The following CARD14 variants were observed in gnomAD, a reference collection of about 807,000 sequenced individuals.
CARD14 encodes caspase recruitment domain family member 14.
Under a neutral mutation model 111.5 loss-of-function variants are expected in CARD14, and 107 were observed. That is an observed-to-expected ratio of 0.96 (90% confidence interval 0.82 to 1.13). CARD14 has a LOEUF of 1.13. Ranked by LOEUF, CARD14 falls within the 50% of genes most tolerant of loss-of-function variation. CARD14 has a pLI of 0.00. For missense variants in CARD14, 1,322 were observed against 1,362.3 expected (o/e 0.97, Z 0.47); for synonymous variants, 617 against 579.6 (o/e 1.06, Z -0.93).
intron 2 of CARD14, among the ~76,000 whole-genome samples, chr17:80,173,889 G>A (rs1307778969): frequency 1.3e-5 from 2 of 151,920 alleles, no homozygotes; most frequent in East Asian, 3.9e-4. Flanking sequence ...GAACCATCGC[G>A]CCCAGCCAAA....
intron 16 of CARD14, among the ~76,000 whole-genome samples, chr17:80,199,264 G>C (rs1198364410): frequency 6.6e-6 from 1 of 151,874 alleles, no homozygotes; most frequent in Non-Finnish European, 1.5e-5. Flanking sequence ...GAGGCAGGCA[G>C]ATCACTTGAG....
At position 80,198,247 on chromosome 17, in the gene CARD14, C is replaced by T; in HGVS notation, c.1658+85C>T. 2 of 1,555,596 alleles carry T rather than the reference C, an allele frequency of 1.3e-6. No homozygotes were observed. Among genetic ancestry groups the T allele is most frequent in the Non-Finnish European group, 8.9e-7 (1 of 1,129,870 alleles). ...GAGCAGAGGGTGAGTGTCCTATTAC[C>T]AATGGGAGGCAACAGCCTTTCCAAG... is the stretch of plus-strand genomic sequence containing the variant. On this transcript the variant is annotated intron_variant, in intron 15 of 23. Transcript: ENST00000648509. This position sits in a 1 kb window ranked among gnomAD's most constrained non-coding sequence, Gnocchi z 7.5.
chr17:80,194,717 A>G (rs1328669718), intron 12 of CARD14, among the ~76,000 whole-genome samples: 1 of 152,174 alleles, frequency 6.6e-6, no homozygotes, highest in Non-Finnish European at 1.5e-5. Context: ...CAAAGGGGGA[A>G]GCCCTTTATA....
At chr17:80,204,603 A>T (rs1192721136) in intron 20 of CARD14, 1 of 386,280 alleles carries the variant, frequency 2.6e-6, no homozygotes, top group Non-Finnish European at 4.7e-6. Context: ...CAGCCTGGGC[A>T]ATAAGAGCAA....
chr17:80,188,625 G>T lies in CARD14; in HGVS notation c.843+81G>T. 7.5e-7 allele frequency: 1 copy of T among 1,324,678 alleles called. No individual in the cohort carries two copies. The highest frequency in any genetic ancestry group is 9.8e-7 in the Non-Finnish European group (1 of 1,022,692). 82.1% of individuals were successfully genotyped at this position (1,324,678 alleles called of 1,614,324 possible). A position where few individuals can be genotyped will look rare whatever the true frequency, so the allele number is the denominator to read the frequency against. On this transcript the variant is annotated intron_variant, in intron 8 of 23. Coordinates refer to ENST00000648509, the MANE Select transcript of CARD14 (RefSeq NM_001366385.1). This position sits in a 1 kb window ranked among gnomAD's most constrained non-coding sequence, Gnocchi z 4.5. The stretch of plus-strand genomic sequence containing the variant: ...CAGGCTGTGGGGTTTCTGACAGGTG[G>T]TTTAGTTAAGGTGAGGCTAAGAACA...
intron 7 of CARD14, 93 bp downstream of exon 7, chr17:80,184,331 C>T (rs2040273901): frequency 9.0e-7 from 1 of 1,109,646 alleles, no homozygotes; most frequent in Admixed American, 3.1e-5. Flanking sequence ...ACTCCTTTCC[C>T]CTCTTCCTTG....
intron 16 of CARD14, among the ~76,000 whole-genome samples, chr17:80,200,228 CAT>C (rs2040897198): frequency 1.8e-5 from 2 of 109,544 alleles, no homozygotes; most frequent in African/African-American, 6.7e-5. Flanking sequence ...CTTTACATGT[CAT>C]TTTTTTTTTT....
At chr17:80,175,799 C>A (rs1349710227) in intron 2 of CARD14, among the ~76,000 whole-genome samples, 2 of 151,716 alleles carry the variant, frequency 1.3e-5, no homozygotes, top group Admixed American at 1.3e-4. Flanking sequence ...TGCCGGTGTC[C>A]CACGCACTGT....
intron 3 of CARD14, 59 bp downstream of exon 3, chr17:80,178,714 C>T (rs1391065409): frequency 1.3e-5 from 2 of 152,258 alleles, no homozygotes; most frequent in Non-Finnish European, 2.9e-5. Flanking sequence ...CCTGCACACA[C>T]GACTCTCCAA....
chr17:80,191,279 C>T lies in CARD14; in HGVS notation c.1090-44C>T, dbSNP rs774539500. On this transcript the variant is annotated intron_variant, in intron 10 of 23. Coordinates refer to ENST00000648509, the MANE Select transcript of CARD14 (RefSeq NM_001366385.1). ...CTCTCCTTCTCTAGCTGAGGCTCCCCGGTGGTGATGGCGCGGCCTCCTTAC... is the reference window on the plus strand; with the variant it reads ...CTCTCCTTCTCTAGCTGAGGCTCCCTGGTGGTGATGGCGCGGCCTCCTTAC... 2.4e-5 allele frequency: 38 copies of T among 1,592,082 alleles called. No homozygotes were observed. In the Middle Eastern group the frequency reaches 5.0e-4, roughly 21 times the overall value.
chr17:80,193,975 C>G (rs2144299190), intron 12 of CARD14, among the ~76,000 whole-genome samples: 1 of 152,250 alleles, frequency 6.6e-6, no homozygotes, highest in Middle Eastern at 3.4e-3. Context: ...CCAGAACACA[C>G]CATCCTCATT....
At position 80,182,677 on chromosome 17, in the gene CARD14, C is replaced by T. The variant is rs760384971; in HGVS notation, c.236C>T (p.Thr79Ile). The change falls in exon 6 of 24, where the codon ACT becomes ATT. Residue 79 changes from threonine to isoleucine, a missense_variant. By Grantham distance (89) the Thr-to-Ile change is moderately conservative. Coordinates refer to ENST00000648509, the MANE Select transcript of CARD14 (RefSeq NM_001366385.1). This position sits in a 1 kb window ranked among gnomAD's most constrained non-coding sequence, Gnocchi z 4.7. ...GGGCACTTGCTGGATTTGCTGAAGACTCGAGGGAAGAACGGGGCCATCGCC... is the reference window on the plus strand; with the variant it reads ...GGGCACTTGCTGGATTTGCTGAAGATTCGAGGGAAGAACGGGGCCATCGCC... ...RAGHLLDLLK[T>I]RGKNGAIAFL... 49 of 1,614,046 alleles carry T rather than the reference C, an allele frequency of 3.0e-5. No individual in the cohort carries two copies. In the East Asian group the frequency reaches 1.1e-3, roughly 36 times the overall value.
chr17:80,189,746 GC>G lies in CARD14; in HGVS notation c.844-3del. On this transcript the variant is annotated splice_polypyrimidine_tract_variant and splice_region_variant and intron_variant, in intron 8 of 23. Coordinates refer to ENST00000648509, the MANE Select transcript of CARD14 (RefSeq NM_001366385.1). The surrounding 1 kb of genome is among the most constrained non-coding windows in gnomAD (Gnocchi z 4.7). Reference sequence around the variant, plus strand: ...CAGCACCCCAGGCTGACCTCTCTCTGCCCCAGGCGGAGAAGGACATTCTGGA... The same window carrying G: ...CAGCACCCCAGGCTGACCTCTCTCTGCCCAGGCGGAGAAGGACATTCTGGA... 1 of 1,569,638 alleles carries G rather than the reference GC, an allele frequency of 6.4e-7. No homozygotes were observed. Among genetic ancestry groups the G allele is most frequent in the South Asian group, 1.2e-5 (1 of 85,652 alleles).
chr17:80,191,196 G>T, intron 10 of CARD14, 127 bp from the exon 11 acceptor site: 1 of 1,175,158 alleles, frequency 8.5e-7, no homozygotes, highest in Non-Finnish European at 1.2e-6. Context: ...TCTTAAGTTT[G>T]CACAGCTCAG....
chr17:80,181,771 G>A, intron 5 of CARD14, 122 bp downstream of exon 5: 1 of 818,512 alleles, frequency 1.2e-6, no homozygotes, highest in Non-Finnish European at 1.9e-6. Flanking sequence ...ACTTGCTGTT[G>A]CCTTTAGGGC....
Position 80,207,090 on chromosome 17 carries a change from G to A in CARD14, c.2807+5G>A. The A allele has an allele frequency of 6.2e-7, 1 of 1,606,558 alleles. No individual in the cohort carries two copies. The highest frequency in any genetic ancestry group is 8.5e-7 in the Non-Finnish European group (1 of 1,173,574). On this transcript the variant is annotated splice_donor_5th_base_variant and intron_variant, in intron 23 of 23. Coordinates refer to ENST00000648509, the MANE Select transcript of CARD14 (RefSeq NM_001366385.1). Reference sequence around the variant, plus strand: ...GAAGATGGCAAAGAAGCTCAAGTAGGTGCACGCTGGGGGCTGGGCAGGGGC... The same window carrying A: ...GAAGATGGCAAAGAAGCTCAAGTAGATGCACGCTGGGGGCTGGGCAGGGGC...
chr17:80,189,697 C>T lies in CARD14; in HGVS notation c.844-56C>T. 1.4e-6 allele frequency: 2 copies of T among 1,470,180 alleles called. No individual in the cohort carries two copies. Among genetic ancestry groups the T allele is most frequent in the Non-Finnish European group, 1.8e-6 (2 of 1,116,860 alleles). 91.1% of individuals were successfully genotyped at this position (1,470,180 alleles called of 1,614,324 possible). A position where few individuals can be genotyped will look rare whatever the true frequency, so the allele number is the denominator to read the frequency against. ...CGCCATCTTCTCGGGATTCTGCTTG[C>T]CTAGGGCAGGCCTCTGGGGAAGCCA... is the stretch of plus-strand genomic sequence containing the variant. On this transcript the variant is annotated intron_variant, in intron 8 of 23. Coordinates refer to ENST00000648509, the MANE Select transcript of CARD14 (RefSeq NM_001366385.1). The surrounding 1 kb of genome is among the most constrained non-coding windows in gnomAD (Gnocchi z 4.7).
chr17:80,190,340 C>T (rs1333577364), intron 9 of CARD14, among the ~76,000 whole-genome samples: 3 of 152,172 alleles, frequency 2.0e-5, no homozygotes, highest in Non-Finnish European at 4.4e-5. Context: ...CGAGGCCGGG[C>T]GCGGTGGCCC....
chr17:80,184,218 T>C lies in CARD14; in HGVS notation c.655T>C (p.Cys219Arg). 1 of 1,535,532 alleles carries C rather than the reference T, an allele frequency of 6.5e-7. No individual in the cohort carries two copies. The highest frequency in any genetic ancestry group is 8.8e-7 in the Non-Finnish European group (1 of 1,137,740). Reference protein sequence around the residue: ...LQEKELAASRCRSLQEELYLL... With the variant: ...LQEKELAASRRRSLQEELYLL... ...GGAGAAGGAGCTGGCCGCCTCACGC[T>C]GCCGCAGCCTGCAGGAGGAGGTAGG... Residue 219 changes from cysteine to arginine, a missense_variant, in exon 7 of 24, where the codon TGC (cysteine) becomes CGC (arginine). Physicochemically the swap from Cys to Arg is radical, Grantham distance 180 (BLOSUM62 -3). Transcript: ENST00000648509.
Sources: allele counts gnomAD v4.1 joint callset (sites outside exome capture counted in the v4.1 genomes callset), GRCh38; gene constraint gnomAD v4.1.1; non-coding constraint Gnocchi (gnomAD v3.1); transcripts MANE v1.5; gene names NCBI Gene and HGNC (gene_info 2026-07-23, HGNC 2026-07-21).